ODAD2: variants seen among roughly 807,000 people sequenced by gnomAD.
ODAD2 encodes the protein outer dynein arm docking complex subunit 2, also known as outer dynein arm-docking complex subunit 2.
ODAD2 carries 89 observed loss-of-function variants against 106.8 expected under a neutral mutation model. The observed-to-expected ratio is 0.83, with a 90% CI of 0.70 to 0.99. The LOEUF (loss-of-function observed/expected upper bound fraction) is 0.99. ODAD2 is among the 50% of genes least tolerant of loss of function. The pLI is 0.00. For missense variants in ODAD2, 1,168 were observed against 1,238.5 expected, an observed-to-expected ratio of 0.94 and a Z score of 0.85; for synonymous variants, 404 against 436.2, an observed-to-expected ratio of 0.93 and a Z score of 0.92.
chr10:27,946,111 T>C (rs1214035292), intron 10 of ODAD2, among the ~76,000 whole-genome samples: 1 of 148,724 alleles, frequency 6.7e-6, no homozygotes, highest in Non-Finnish European at 1.5e-5. Flanking sequence ...GCCCATTATC[T>C]ATTGTATAAT....
chr10:27,845,486 A>G (rs1250300178), intron 19 of ODAD2, among the ~76,000 whole-genome samples: 1 of 152,234 alleles, frequency 6.6e-6, no homozygotes, highest in East Asian at 1.9e-4. Flanking sequence ...TGTAAAGACC[A>G]TCGATGCTAG....
chr10:27,978,248 A>C (rs1422875269), intron 7 of ODAD2, among the ~76,000 whole-genome samples: 1 of 152,190 alleles, frequency 6.6e-6, no homozygotes, highest in East Asian at 1.9e-4. Flanking sequence ...TGCACAAACC[A>C]TACCACAAAA....
chr10:27,938,425 A>G (rs776909582), intron 14 of ODAD2, among the ~76,000 whole-genome samples: 2 of 152,096 alleles, frequency 1.3e-5, no homozygotes, highest in African/African-American at 2.4e-5. Context: ...CAAGCTGAGG[A>G]GAGAGGCCTC....
intron 2 of ODAD2, among the ~76,000 whole-genome samples, chr10:27,988,337 CTTT>C (rs5784035): frequency 8.0e-4 from 103 of 128,716 alleles, no homozygotes; most frequent in Admixed American, 1.3e-3. Flanking sequence ...CCTGATCTAG[CTTT>C]TTTTTTTTTT....
intron 17 of ODAD2, among the ~76,000 whole-genome samples, chr10:27,872,737 G>GTGC (rs1366170215): frequency 6.6e-6 from 1 of 152,196 alleles, no homozygotes; most frequent in East Asian, 1.9e-4. Flanking sequence ...GCTTTTTGAT[G>GTGC]TGCTGCTGGA....
chr10:27,970,821 A>G (rs1241961532), intron 8 of ODAD2, among the ~76,000 whole-genome samples: 1 of 151,860 alleles, frequency 6.6e-6, no homozygotes, highest in Non-Finnish European at 1.5e-5. Context: ...AAAAATAAAA[A>G]GTTAGCCAGG....
At chr10:27,817,445 C>T (rs190113503) in intron 19 of ODAD2, among the ~76,000 whole-genome samples, 2 of 152,218 alleles carry the variant, frequency 1.3e-5, no homozygotes, top group African/African-American at 4.8e-5. Flanking sequence ...GCACCCACCA[C>T]CCATATAGTG....
At chr10:27,886,683 A>C (rs1444449663) in intron 17 of ODAD2, among the ~76,000 whole-genome samples, 2 of 152,066 alleles carry the variant, frequency 1.3e-5, no homozygotes, top group African/African-American at 4.8e-5. Context: ...AAATGCATAA[A>C]AATTATGCAT....
intron 9 of ODAD2, among the ~76,000 whole-genome samples, chr10:27,967,758 G>C (rs1258147125): frequency 1.3e-5 from 2 of 151,550 alleles, no homozygotes; most frequent in Admixed American, 6.6e-5. Context: ...GAGTGTGGTA[G>C]CGCACGCCTG....
intron 17 of ODAD2, among the ~76,000 whole-genome samples, chr10:27,884,676 C>T (rs1841955157): frequency 6.6e-6 from 1 of 152,116 alleles, no homozygotes; most frequent in Non-Finnish European, 1.5e-5. Context: ...AGGAAAACTT[C>T]AGGGAGACTG....
At chr10:27,851,450 T>G (rs1385505806) in intron 19 of ODAD2, among the ~76,000 whole-genome samples, 1 of 152,060 alleles carries the variant, frequency 6.6e-6, no homozygotes, top group East Asian at 1.9e-4. Context: ...AGAATTGGAT[T>G]ACATATGAGA....
intron 10 of ODAD2, among the ~76,000 whole-genome samples, chr10:27,947,195 T>C (rs1041062323): frequency 2.0e-5 from 3 of 152,176 alleles, no homozygotes; most frequent in African/African-American, 7.2e-5. Context: ...ATCCTCTCTT[T>C]ATAACTGTCA....
chr10:27,909,817 GAAAA>G (rs35449629), intron 16 of ODAD2, among the ~76,000 whole-genome samples: 16 of 56,372 alleles, frequency 2.8e-4, no homozygotes, highest in Admixed American at 2.4e-4. Flanking sequence ...GTCTTCATTT[GAAAA>G]AAAAAAAAAA....
intron 19 of ODAD2, among the ~76,000 whole-genome samples, chr10:27,846,102 C>T (rs1406102603): frequency 6.6e-6 from 1 of 152,188 alleles, no homozygotes; most frequent in African/African-American, 2.4e-5. Flanking sequence ...CTCTCCACCC[C>T]AAATCAACAG....
intron 2 of ODAD2, among the ~76,000 whole-genome samples, chr10:27,991,696 C>T (rs1850250044): frequency 6.6e-6 from 1 of 152,172 alleles, no homozygotes; most frequent in African/African-American, 2.4e-5. Context: ...CCTGAGAGGT[C>T]TACCCACAAG....
At chr10:27,866,679 C>T (rs1423053024) in intron 17 of ODAD2, among the ~76,000 whole-genome samples, 3 of 152,124 alleles carry the variant, frequency 2.0e-5, no homozygotes, top group Non-Finnish European at 4.4e-5. Context: ...GTAGGCATCA[C>T]ATGGTAAAAG....
chr10:27,831,539 G>T (rs1837478630), intron 19 of ODAD2, among the ~76,000 whole-genome samples: 1 of 152,222 alleles, frequency 6.6e-6, no homozygotes, highest in Non-Finnish European at 1.5e-5. Flanking sequence ...ATGTAGAGAT[G>T]AGGAAACCAT....
chr10:27,854,188 G>A (rs1839492362), intron 19 of ODAD2, among the ~76,000 whole-genome samples: 1 of 152,164 alleles, frequency 6.6e-6, no homozygotes, highest in African/African-American at 2.4e-5. Context: ...TGACATACCT[G>A]TTAGAATGTC....
intron 14 of ODAD2, among the ~76,000 whole-genome samples, chr10:27,939,396 G>A (rs1846222955): frequency 7.4e-6 from 1 of 134,234 alleles, no homozygotes; most frequent in Non-Finnish European, 1.7e-5. Flanking sequence ...TCTTAGACCT[G>A]TCTATGAAAA....
Sources: gnomAD v4.1 joint callset for allele counts (sites outside exome capture counted in the v4.1 genomes callset) on GRCh38, gnomAD v4.1.1 for gene constraint, MANE v1.5 for transcripts, NCBI Gene and HGNC (gene_info 2026-07-23, HGNC 2026-07-21) for gene names.